The following ZNRF2 variants were observed in gnomAD, a reference collection of about 807,000 sequenced individuals.
ZNRF2 encodes the protein E3 ubiquitin-protein ligase ZNRF2.
In ZNRF2, 16 loss-of-function variants were observed where a neutral mutation model predicts 20.4. The ratio of observed to expected loss-of-function variants is 0.79; its 90% CI spans 0.53 to 1.19. The LOEUF is 1.19. Among genes scored for constraint, ZNRF2 ranks in the 50% most tolerant of loss-of-function variants. The pLI is 0.00. For missense variants in ZNRF2, 363 were observed against 332.4 expected (o/e 1.09, Z -0.72); for synonymous variants, 178 against 144.9 (o/e 1.23, Z -1.64).
In ZNRF2 at chr7:30,367,449, G is replaced by T. The variant is rs942715709; in HGVS notation, c.*1437G>T. On this transcript the variant is annotated 3_prime_UTR_variant, in exon 5 of 5. Coordinates refer to ENST00000323037, the MANE Select transcript of ZNRF2 (RefSeq NM_147128.4). ...GTGAATAGGTGGTGTACTTTACTTG[G>T]TATAATTTAAAGTTGCACAGTAAGT... The T allele has an allele frequency of 6.6e-6, 1 of 152,148 alleles. No individual in the cohort carries two copies. The highest frequency in any genetic ancestry group is 2.4e-5 in the African/African-American group (1 of 41,346). The allele number at this position is 152,148 out of a possible 1,614,324, so 9.4% of individuals were successfully genotyped here. A position where few individuals can be genotyped will look rare whatever the true frequency, so the allele number is the denominator to read the frequency against.
chr7:30,289,576 T>A (rs1399555731), intron 1 of ZNRF2, among the ~76,000 whole-genome samples: 1 of 152,220 alleles, frequency 6.6e-6, no homozygotes, highest in Non-Finnish European at 1.5e-5. Context: ...CCCCTGCCAC[T>A]CCTGAAGTAA....
At chr7:30,309,680 A>C (rs192063818) in intron 1 of ZNRF2, among the ~76,000 whole-genome samples, 1 of 152,330 alleles carries the variant, frequency 6.6e-6, no homozygotes, top group East Asian at 1.9e-4. Flanking sequence ...TTGGATAAGA[A>C]GGAAAGTACA....
intron 1 of ZNRF2, among the ~76,000 whole-genome samples, chr7:30,287,702 C>A (rs1258811686): frequency 6.6e-6 from 1 of 151,684 alleles, no homozygotes; most frequent in Non-Finnish European, 1.5e-5. Flanking sequence ...TGACTGGGGC[C>A]TAGTAGTACA....
intron 2 of ZNRF2, among the ~76,000 whole-genome samples, chr7:30,349,456 C>A (rs1293506745): frequency 1.3e-5 from 2 of 152,038 alleles, no homozygotes; most frequent in African/African-American, 2.4e-5. Flanking sequence ...CTGCTCTGTT[C>A]CAGGTATCTC....
intron 1 of ZNRF2, among the ~76,000 whole-genome samples, chr7:30,300,372 C>G (rs1010578465): frequency 1.8e-4 from 28 of 151,984 alleles, no homozygotes; most frequent in Non-Finnish European, 3.4e-4. Context: ...TGGTCTTGGT[C>G]TCTTGACCTC....
At chr7:30,315,956 A>G (rs1413693726) in intron 1 of ZNRF2, among the ~76,000 whole-genome samples, 3 of 152,110 alleles carry the variant, frequency 2.0e-5, no homozygotes, top group Admixed American at 6.6e-5. Context: ...TGCTTCATTC[A>G]TGTTCTTTCC....
chr7:30,354,354 C>T (rs934838144), intron 2 of ZNRF2, among the ~76,000 whole-genome samples: 1 of 152,146 alleles, frequency 6.6e-6, no homozygotes, highest in African/African-American at 2.4e-5. Flanking sequence ...ACCCTTCTTG[C>T]TGAGGCCTTT....
At chr7:30,307,316 GTTTTTTTTTGTTTTTTT>G (rs1799222488) in intron 1 of ZNRF2, among the ~76,000 whole-genome samples, 1 of 68,084 alleles carries the variant, frequency 1.5e-5, no homozygotes, top group East Asian at 4.6e-4. Context: ...TCTTTCTGCT[GTTTTTTTTTGTTTTTTT>G]TTTTTTTTTT....
intron 1 of ZNRF2, among the ~76,000 whole-genome samples, chr7:30,293,447 C>T (rs1463125705): frequency 1.3e-5 from 2 of 152,084 alleles, no homozygotes; most frequent in Non-Finnish European, 2.9e-5. Flanking sequence ...CTGGGTTTTG[C>T]CATGTTGGCC....
intron 1 of ZNRF2, among the ~76,000 whole-genome samples, chr7:30,321,828 C>G (rs992022913): frequency 6.6e-6 from 1 of 152,122 alleles, no homozygotes; most frequent in Non-Finnish European, 1.5e-5. Context: ...CATGGTTGAT[C>G]AGTTTCACAG....
chr7:30,341,213 G>A (rs546364684), intron 2 of ZNRF2, among the ~76,000 whole-genome samples: 7 of 151,906 alleles, frequency 4.6e-5, no homozygotes, highest in South Asian at 2.1e-4. Context: ...TTTTGGAAGC[G>A]TTTTTTGTGT....
At chr7:30,309,740 GT>G (rs1217488316) in intron 1 of ZNRF2, among the ~76,000 whole-genome samples, 1 of 152,088 alleles carries the variant, frequency 6.6e-6, no homozygotes, top group Non-Finnish European at 1.5e-5. Flanking sequence ...GGTAATTTTT[GT>G]TTTGCATTGT....
At chr7:30,313,566 A>G (rs529799241) in intron 1 of ZNRF2, among the ~76,000 whole-genome samples, 52 of 152,244 alleles carry the variant, frequency 3.4e-4, no homozygotes, top group African/African-American at 1.2e-3. Flanking sequence ...GGCTGTTGTC[A>G]TATTTATGAA....
chr7:30,356,777 C>G (rs1462408127), intron 3 of ZNRF2, among the ~76,000 whole-genome samples: 1 of 141,752 alleles, frequency 7.1e-6, no homozygotes, highest in East Asian at 2.1e-4. Flanking sequence ...GTGATCTCGG[C>G]TCACTGCAAG....
At chr7:30,296,965 G>A (rs2128056649) in intron 1 of ZNRF2, among the ~76,000 whole-genome samples, 1 of 152,262 alleles carries the variant, frequency 6.6e-6, no homozygotes, top group East Asian at 1.9e-4. Context: ...TTAGAAGTTA[G>A]ATCAACCACT....
At chr7:30,362,709 G>T (rs1243100682) in intron 4 of ZNRF2, among the ~76,000 whole-genome samples, 6 of 152,100 alleles carry the variant, frequency 3.9e-5, no homozygotes, top group African/African-American at 1.4e-4. Flanking sequence ...GAGGCCAAAA[G>T]TTCAAGACCA....
At chr7:30,305,354 G>T (rs1452537553) in intron 1 of ZNRF2, among the ~76,000 whole-genome samples, 3 of 151,974 alleles carry the variant, frequency 2.0e-5, no homozygotes, top group East Asian at 3.8e-4. Flanking sequence ...AAGTTTTATT[G>T]TTCTTAGGAA....
chr7:30,337,614 A>G (rs1799735568), intron 2 of ZNRF2, among the ~76,000 whole-genome samples: 1 of 152,078 alleles, frequency 6.6e-6, no homozygotes, highest in Non-Finnish European at 1.5e-5. Flanking sequence ...TTCCAGGGCT[A>G]TTCGTTCGTA....
chr7:30,318,592 A>C (rs1799414200), intron 1 of ZNRF2, among the ~76,000 whole-genome samples: 1 of 152,196 alleles, frequency 6.6e-6, no homozygotes, highest in South Asian at 2.1e-4. Flanking sequence ...TCTCAGGTTT[A>C]GGATCAGTCC....
Sources: allele counts gnomAD v4.1 joint callset (sites outside exome capture counted in the v4.1 genomes callset), GRCh38; gene constraint gnomAD v4.1.1; transcripts MANE v1.5; gene names NCBI Gene and HGNC (gene_info 2026-07-23, HGNC 2026-07-21).